NEXMIF: variants seen among roughly 807,000 people sequenced by gnomAD.
NEXMIF encodes XLMR protein related to neurite extension.
A neutral mutation model predicts 62.1 loss-of-function variants in NEXMIF; 8 were observed. That is an observed-to-expected ratio of 0.13 (90% CI 0.08 to 0.23). The LOEUF (loss-of-function observed/expected upper bound fraction) is 0.23, where lower values mean the gene tolerates loss of function less well. NEXMIF is among the 10% of genes least tolerant of loss of function. NEXMIF has a pLI of 1.00. For missense variants in NEXMIF, 976 were observed against 1,113.3 expected (o/e 0.88, Z 1.75); for synonymous variants, 404 against 416.6 (o/e 0.97, Z 0.37).
At chrX:74,886,513 A>C (rs1215882954) in intron 1 of NEXMIF, among the ~76,000 whole-genome samples, 2 of 111,785 alleles carry the variant, frequency 1.8e-5, no homozygotes, top group East Asian at 5.6e-4. Context: ...AAACAGACAA[A>C]CAGAGAGCCA....
chrX:74,755,147 C>T (rs2080155779), intron 1 of NEXMIF, among the ~76,000 whole-genome samples: 1 of 112,659 alleles, frequency 8.9e-6, no homozygotes. Context: ...CTGGGGCTTA[C>T]TTGAGCACTC....
chrX:74,769,796 T>G lies in NEXMIF; in HGVS notation c.-47-24099A>C, dbSNP rs772562344. 10 of 518,398 alleles carry G rather than the reference T, an allele frequency of 1.9e-5. No homozygotes were observed. In the South Asian group the frequency reaches 2.7e-4, roughly 14 times the overall value. 42.7% of individuals were successfully genotyped at this position (518,398 alleles called of 1,213,427 possible). ...TATGAAAAGGACCTCCCTGACAACCTTGGTACAGTATTATACTATAAAAAA... is the reference window on the plus strand; with the variant it reads ...TATGAAAAGGACCTCCCTGACAACCGTGGTACAGTATTATACTATAAAAAA... On this transcript the variant is annotated intron_variant, in intron 1 of 3. Transcript: ENST00000055682.
chrX:74,797,763 C>A (rs1440688059), intron 1 of NEXMIF, among the ~76,000 whole-genome samples: 1 of 111,856 alleles, frequency 8.9e-6, no homozygotes, highest in Non-Finnish European at 1.9e-5. Context: ...GAGGTGGGAA[C>A]AGAGGCCAAA....
At position 74,741,908 on chromosome X, in the gene NEXMIF, G is replaced by A. The variant is rs2080105905; in HGVS notation, c.2649C>T (p.Ser883=). 1 of 1,211,737 alleles carries A rather than the reference G, an allele frequency of 8.3e-7. No individual in the cohort carries two copies. The highest frequency in any genetic ancestry group is 1.7e-5 in the African/African-American group (1 of 57,825). ...TGTTGGGCCACACATTTCTATAGTTGCTTGATTCCATTTTGAAGTTATGAG... is the reference window on the plus strand; with the variant it reads ...TGTTGGGCCACACATTTCTATAGTTACTTGATTCCATTTTGAAGTTATGAG... ...QSSHNFKMES[S]NYRNVWPNKA... is the part of the protein sequence containing the mutation. Residue 883 remains serine (S), a synonymous_variant, in exon 3 of 4, where the codon AGC becomes AGT. Transcript: ENST00000055682.
chrX:74,803,381 T>A (rs1028881768), intron 1 of NEXMIF, among the ~76,000 whole-genome samples: 2 of 110,637 alleles, frequency 1.8e-5, no homozygotes, highest in Non-Finnish European at 3.8e-5. Flanking sequence ...AAACCCTGTC[T>A]GTTCTAAAAA....
chrX:74,894,369 C>A (rs2080726797), intron 1 of NEXMIF, among the ~76,000 whole-genome samples: 1 of 111,403 alleles, frequency 9.0e-6, no homozygotes. Context: ...GACGGCATTA[C>A]AACTGATACT....
chrX:74,888,775 C>A (rs953792893), intron 1 of NEXMIF, among the ~76,000 whole-genome samples: 1 of 111,901 alleles, frequency 8.9e-6, no homozygotes, highest in African/African-American at 3.2e-5. Context: ...TTCACATAAA[C>A]AAATGGATGC....
At chrX:74,755,126 G>C (rs1293196013) in intron 1 of NEXMIF, among the ~76,000 whole-genome samples, 1 of 112,401 alleles carries the variant, frequency 8.9e-6, no homozygotes. Flanking sequence ...CACTGAAGAA[G>C]GTCTGTGAAT....
intron 1 of NEXMIF, among the ~76,000 whole-genome samples, chrX:74,879,461 G>A (rs867323093): frequency 8.9e-6 from 1 of 112,057 alleles, no homozygotes; most frequent in African/African-American, 3.2e-5. Context: ...GAGAAAAGAG[G>A]TTACTGAGAA....
Position 74,782,082 on chromosome X carries a change from A to G in NEXMIF, c.-47-36385T>C, listed in dbSNP as rs2080248909. Among the ~76,000 whole-genome samples the G allele has an allele frequency of 1.8e-5, 2 of 111,516 alleles. 1 individual carries two copies. The highest frequency in any genetic ancestry group is 6.5e-5 in the African/African-American group (2 of 30,673). Reference sequence around the variant, plus strand: ...GAGACCTGAACAAAACAGTAGCTGAATGACAGTGTTTCCCAGAGGATAAAC... The same window carrying G: ...GAGACCTGAACAAAACAGTAGCTGAGTGACAGTGTTTCCCAGAGGATAAAC... On this transcript the variant is annotated intron_variant, in intron 1 of 3. Transcript: ENST00000055682.
At chrX:74,884,439 G>T (rs1435413200) in intron 1 of NEXMIF, among the ~76,000 whole-genome samples, 1 of 111,326 alleles carries the variant, frequency 9.0e-6, no homozygotes, top group Non-Finnish European at 1.9e-5. Context: ...CAAAATAAAG[G>T]GATGGAGGAA....
chrX:74,851,076 A>T (rs2080511692), intron 1 of NEXMIF, among the ~76,000 whole-genome samples: 1 of 110,513 alleles, frequency 9.0e-6, no homozygotes, highest in South Asian at 3.9e-4. Flanking sequence ...AATGAAAAAA[A>T]AATACATTCT....
intron 1 of NEXMIF, among the ~76,000 whole-genome samples, chrX:74,846,189 A>G (rs928218284): frequency 8.9e-6 from 1 of 112,580 alleles, no homozygotes; most frequent in African/African-American, 3.2e-5. Flanking sequence ...CTTTAATTTT[A>G]TCTCCTCCTT....
intron 1 of NEXMIF, among the ~76,000 whole-genome samples, chrX:74,747,337 A>T: frequency 8.9e-6 from 1 of 111,743 alleles, no homozygotes; most frequent in East Asian, 2.8e-4. Flanking sequence ...ATGACAGCCA[A>T]GGTTGTAAAA....
At chrX:74,860,766 G>T (rs566857583) in intron 1 of NEXMIF, among the ~76,000 whole-genome samples, 3 of 111,540 alleles carry the variant, frequency 2.7e-5, no homozygotes, top group African/African-American at 9.7e-5. Context: ...TAAGAGGGAA[G>T]TTTATAGCTA....
chrX:74,810,916 G>A (rs753458237), intron 1 of NEXMIF, among the ~76,000 whole-genome samples: 14 of 111,689 alleles, frequency 1.3e-4, no homozygotes, highest in Non-Finnish European at 2.3e-4. Context: ...CTGTAATGAG[G>A]TCCAAGGATT....
At chrX:74,885,110 C>T (rs1354774002) in intron 1 of NEXMIF, among the ~76,000 whole-genome samples, 1 of 110,186 alleles carries the variant, frequency 9.1e-6, no homozygotes, top group Non-Finnish European at 1.9e-5. Flanking sequence ...AGAACAAAGA[C>T]ACAACATACC....
chrX:74,887,106 G>C (rs1434956531), intron 1 of NEXMIF, among the ~76,000 whole-genome samples: 2 of 112,450 alleles, frequency 1.8e-5, no homozygotes, highest in African/African-American at 6.5e-5. Flanking sequence ...GATGTAGAAA[G>C]CTGAAACTGG....
chrX:74,914,222 CT>C (rs1182711956), intron 1 of NEXMIF, among the ~76,000 whole-genome samples: 1 of 112,132 alleles, frequency 8.9e-6, no homozygotes, highest in Non-Finnish European at 1.9e-5. Context: ...CTTACAGACA[CT>C]TTGGAAAATA....
Sources: gnomAD v4.1 joint callset for allele counts (sites outside exome capture counted in the v4.1 genomes callset) on GRCh38, gnomAD v4.1.1 for gene constraint, MANE v1.5 for transcripts, NCBI Gene and HGNC (gene_info 2026-07-23, HGNC 2026-07-21) for gene names.